The following EXOC6B variants were observed in gnomAD, a reference collection of about 807,000 sequenced individuals.
EXOC6B encodes exocyst complex component 6B.
EXOC6B carries 54 observed loss-of-function variants against 113.5 expected under a neutral mutation model. The ratio of observed to expected loss-of-function variants is 0.48; its 90% confidence interval spans 0.38 to 0.60. The LOEUF is 0.60. Ranked by LOEUF, EXOC6B falls within the 20% of genes least tolerant of loss-of-function variation. The pLI, the probability that EXOC6B is intolerant of heterozygous loss-of-function variation, is 0.00. For missense variants in EXOC6B, 797 were observed against 977.5 expected (o/e 0.82, Z 2.46); for synonymous variants, 357 against 339.0 (o/e 1.05, Z -0.58).
intron 20 of EXOC6B, among the ~76,000 whole-genome samples, chr2:72,269,731 C>G (rs987478863): frequency 2.6e-5 from 4 of 152,232 alleles, no homozygotes; most frequent in African/African-American, 9.6e-5. Flanking sequence ...GCTGCTTAAC[C>G]TCTTTGAGCA....
chr2:72,697,997 T>C (rs951778255), intron 6 of EXOC6B, among the ~76,000 whole-genome samples: 101 of 152,118 alleles, frequency 6.6e-4, no homozygotes, highest in Admixed American at 6.6e-3. Flanking sequence ...ATTAGATCAA[T>C]GGCAATATCA....
intron 18 of EXOC6B, among the ~76,000 whole-genome samples, chr2:72,398,192 G>A (rs1368161158): frequency 2.6e-5 from 4 of 152,182 alleles, no homozygotes; most frequent in African/African-American, 9.6e-5. Flanking sequence ...CCATCTTGCA[G>A]TTAAGTCAGA....
At chr2:72,795,449 G>A (rs893697117) in intron 1 of EXOC6B, among the ~76,000 whole-genome samples, 22 of 152,160 alleles carry the variant, frequency 1.4e-4, no homozygotes, top group East Asian at 5.8e-4. Context: ...TGTGACGGGC[G>A]CCTGTAGTCC....
At chr2:72,672,076 C>A (rs749335029) in intron 6 of EXOC6B, among the ~76,000 whole-genome samples, 3 of 151,724 alleles carry the variant, frequency 2.0e-5, no homozygotes, top group Non-Finnish European at 2.9e-5. Context: ...GACGGGGTAC[C>A]CTCATACATT....
intron 6 of EXOC6B, among the ~76,000 whole-genome samples, chr2:72,602,562 A>G (rs1295548646): frequency 6.6e-6 from 1 of 152,226 alleles, no homozygotes; most frequent in African/African-American, 2.4e-5. Flanking sequence ...TCCATCTGCT[A>G]TAATAGATGG....
intron 11 of EXOC6B, among the ~76,000 whole-genome samples, chr2:72,501,831 C>T (rs1700337641): frequency 6.6e-6 from 1 of 151,404 alleles, no homozygotes; most frequent in South Asian, 2.1e-4. Flanking sequence ...AGGATCATAG[C>T]TCACTGCAGC....
intron 7 of EXOC6B, among the ~76,000 whole-genome samples, chr2:72,562,177 C>G (rs1389803067): frequency 6.6e-6 from 1 of 151,936 alleles, no homozygotes; most frequent in African/African-American, 2.4e-5. Context: ...TCTGCTGCCA[C>G]TAATGAAAAA....
intron 1 of EXOC6B, among the ~76,000 whole-genome samples, chr2:72,823,393 G>A (rs746996631): frequency 1.6e-4 from 21 of 133,890 alleles, no homozygotes; most frequent in Non-Finnish European, 2.5e-4. Context: ...TATTTAAACC[G>A]TAATGTATAT....
At chr2:72,516,079 A>G (rs2105690289) in intron 8 of EXOC6B, among the ~76,000 whole-genome samples, 1 of 152,266 alleles carries the variant, frequency 6.6e-6, no homozygotes, top group Middle Eastern at 3.4e-3. Flanking sequence ...GGCCCTTATC[A>G]TGCCTTGAGT....
chr2:72,472,815 A>G (rs975316090), intron 17 of EXOC6B, among the ~76,000 whole-genome samples: 1 of 152,092 alleles, frequency 6.6e-6, no homozygotes, highest in South Asian at 2.1e-4. Context: ...GTAGGTGCTT[A>G]TTGCTATGAA....
In EXOC6B at chr2:72,425,978, T is replaced by C. The variant is rs556313105; in HGVS notation, c.1980+39182A>G. ...TTTTTTAAATCTTAAAAGTGTATCT[T>C]TTAGTCTTTATTACGTTTTCCTGGT... On this transcript the variant is annotated intron_variant, in intron 18 of 21. Coordinates refer to ENST00000272427, the MANE Select transcript of EXOC6B (RefSeq NM_015189.3). Among the ~76,000 whole-genome samples the C allele has an allele frequency of 7.2e-5, 11 of 152,314 alleles. 1 individual carries two copies. In the South Asian group the frequency reaches 2.1e-3, roughly 29 times the overall value.
At chr2:72,301,782 A>G (rs1686548136) in intron 20 of EXOC6B, among the ~76,000 whole-genome samples, 1 of 152,106 alleles carries the variant, frequency 6.6e-6, no homozygotes, top group Non-Finnish European at 1.5e-5. Context: ...AATTTCTTCA[A>G]AAAACAAACT....
intron 6 of EXOC6B, among the ~76,000 whole-genome samples, chr2:72,631,426 G>GTATATATATATATATA (rs376088377): frequency 1.8e-4 from 5 of 28,184 alleles, no homozygotes; most frequent in Non-Finnish European, 2.8e-4. Context: ...GTGTGTGTGT[G>GTATATATATATATATA]TATATATATA....
intron 20 of EXOC6B, among the ~76,000 whole-genome samples, chr2:72,317,699 G>A (rs761540364): frequency 1.3e-5 from 2 of 151,740 alleles, no homozygotes; most frequent in African/African-American, 2.4e-5. Context: ...TAATAATGCC[G>A]CCAATTTACT....
chr2:72,225,247 A>C (rs1195696118), intron 20 of EXOC6B, among the ~76,000 whole-genome samples: 2 of 152,082 alleles, frequency 1.3e-5, no homozygotes, highest in Non-Finnish European at 2.9e-5. Context: ...AAGTATAAGA[A>C]AGTTTGAGAA....
intron 6 of EXOC6B, among the ~76,000 whole-genome samples, chr2:72,670,789 T>C (rs895342322): frequency 1.3e-5 from 2 of 152,218 alleles, no homozygotes; most frequent in African/African-American, 4.8e-5. Context: ...TTTTGCTGGC[T>C]ACTCTTTTCC....
intron 6 of EXOC6B, among the ~76,000 whole-genome samples, chr2:72,653,621 G>C (rs1160124321): frequency 7.9e-6 from 1 of 126,996 alleles, no homozygotes; most frequent in Non-Finnish European, 1.6e-5. Flanking sequence ...AAGAAAGAAA[G>C]AAAGAAAATA....
At chr2:72,477,981 C>T (rs1444153391) in intron 17 of EXOC6B, among the ~76,000 whole-genome samples, 1 of 152,124 alleles carries the variant, frequency 6.6e-6, no homozygotes, top group Non-Finnish European at 1.5e-5. Context: ...TGAGGAGACT[C>T]ACTTTTTTGT....
At chr2:72,221,706 A>G (rs1245336066) in intron 20 of EXOC6B, among the ~76,000 whole-genome samples, 1 of 152,202 alleles carries the variant, frequency 6.6e-6, no homozygotes, top group Non-Finnish European at 1.5e-5. Context: ...TTTAGCAAAC[A>G]TATGGTGAAT....
Sources: gnomAD v4.1 joint callset for allele counts (sites outside exome capture counted in the v4.1 genomes callset) on GRCh38, gnomAD v4.1.1 for gene constraint, MANE v1.5 for transcripts, NCBI Gene and HGNC (gene_info 2026-07-23, HGNC 2026-07-21) for gene names.